The following MROH2A variants were observed in gnomAD, a reference collection of about 807,000 sequenced individuals.
The protein encoded by MROH2A is maestro heat-like repeat-containing protein family member 2A.
Under a neutral mutation model 200.4 loss-of-function variants are expected in MROH2A, and 174 were observed. That is an observed-to-expected ratio of 0.87 (90% CI 0.77 to 0.98). The LOEUF (loss-of-function observed/expected upper bound fraction) is 0.98. Ranked by LOEUF, MROH2A falls within the 50% of genes least tolerant of loss-of-function variation. The probability of loss-of-function intolerance (pLI) is 0.00; values close to 1 mark genes in which losing one functional copy is unlikely to be tolerated. For synonymous variants in MROH2A, 829 were observed against 840.4 expected (o/e 0.99, Z 0.23); for missense variants, 2,045 against 2,139.6 (o/e 0.96, Z 0.87).
At chr2:233,805,406 G>A (rs542505592) in intron 19 of MROH2A, among the ~76,000 whole-genome samples, 77 of 152,338 alleles carry the variant, frequency 5.1e-4, no homozygotes, top group African/African-American at 1.5e-3. Context: ...AAAGAAATCA[G>A]TGAGGGTCTC....
chr2:233,807,784 C>A lies in MROH2A; in HGVS notation c.2224C>A (p.Leu742Met). ...LCARGQVKTV[L>M]NVLHDFEERI... Reference sequence around the variant, plus strand: ...TGCCCGGGGCCAGGTAAAAACGGTGCTGAATGTGCTTCATGACTTCGAGGA... The same window carrying A: ...TGCCCGGGGCCAGGTAAAAACGGTGATGAATGTGCTTCATGACTTCGAGGA... The change falls in exon 21 of 42, where the codon CTG becomes ATG. Residue 742 changes from leucine (L) to methionine (M), a missense_variant. Physicochemically the swap from Leu to Met is conservative, Grantham distance 15. This residue lies in a region of MROH2A where 1,201 missense variants were observed against 1,311.3 expected (regional missense o/e 0.92). Coordinates refer to ENST00000389758, the MANE Select transcript of MROH2A (RefSeq NM_001394639.1). This position sits in a 1 kb window ranked among gnomAD's most constrained non-coding sequence, Gnocchi z 4.3. 2 of 1,550,790 alleles carry A rather than the reference C, an allele frequency of 1.3e-6. No individual in the cohort carries two copies. The highest frequency in any genetic ancestry group is 1.7e-6 in the Non-Finnish European group (2 of 1,147,032).
rs565357141 is a variant in MROH2A, at chr2:233,829,864, G to T, written c.4602+89G>T. On this transcript the variant is annotated intron_variant, in intron 38 of 41. Transcript: ENST00000389758. Reference sequence around the variant, plus strand: ...CTTGGGTCTGCTGGCTCGGTGAGCTGCAAGCTTTTCTCTGCCTCAGTTGGT... The same window carrying T: ...CTTGGGTCTGCTGGCTCGGTGAGCTTCAAGCTTTTCTCTGCCTCAGTTGGT... 1.7e-4 allele frequency: 205 copies of T among 1,197,298 alleles called. No homozygotes were observed. In the African/African-American group the frequency reaches 3.0e-3, roughly 17 times the overall value. The allele number at this position is 1,197,298 out of a possible 1,614,324, so 74.2% of individuals were successfully genotyped here.
In MROH2A at chr2:233,829,652, C is replaced by T; in HGVS notation, c.4479C>T (p.Ile1493=). Reference sequence around the variant, plus strand: ...AGCTGCTGCGTCTGAAAGCCTTCATCCTCTTTGGAAAGCTGGCAAGGGTGG... The same window carrying T: ...AGCTGCTGCGTCTGAAAGCCTTCATTCTCTTTGGAAAGCTGGCAAGGGTGG... The part of the protein sequence containing the change: ...ESELLRLKAF[I]LFGKLARVVG... Residue 1493 remains isoleucine (I), a synonymous_variant, in exon 38 of 42, where the codon ATC becomes ATT. Transcript: ENST00000389758. 1 of 1,472,560 alleles carries T rather than the reference C, an allele frequency of 6.8e-7. No individual in the cohort carries two copies. The highest frequency in any genetic ancestry group is 1.4e-5 in the South Asian group (1 of 71,168). The allele number at this position is 1,472,560 out of a possible 1,614,324, so 91.2% of individuals were successfully genotyped here. A position where few individuals can be genotyped will look rare whatever the true frequency, so the allele number is the denominator to read the frequency against.
At chr2:233,811,809 A>G in intron 23 of MROH2A, 71 bp from the exon 24 acceptor site, 1 of 979,664 alleles carries the variant, frequency 1.0e-6, no homozygotes, top group Non-Finnish European at 1.6e-6. Flanking sequence ...GGTCTTCCTC[A>G]TGCTAACACT....
chr2:233,819,796 T>A, intron 30 of MROH2A, 106 bp from the exon 31 acceptor site: 1 of 1,284,218 alleles, frequency 7.8e-7, no homozygotes, highest in Non-Finnish European at 1.0e-6. Flanking sequence ...AACCTCCCCA[T>A]TGTCCAACTG....
chr2:233,791,308 A>T (rs553594631), intron 5 of MROH2A, among the ~76,000 whole-genome samples: 1 of 152,022 alleles, frequency 6.6e-6, no homozygotes, highest in Non-Finnish European at 1.5e-5. Flanking sequence ...GCTGGGAAGC[A>T]TGTGGTGAGG....
chr2:233,784,311 C>A (rs1575893896), intron 3 of MROH2A, among the ~76,000 whole-genome samples: 2 of 152,160 alleles, frequency 1.3e-5, no homozygotes, highest in South Asian at 4.2e-4. Flanking sequence ...GGTCATCCAG[C>A]AATATATTAC....
chr2:233,819,167 T>C, intron 29 of MROH2A, 150 bp from the exon 30 acceptor site: 1 of 808,514 alleles, frequency 1.2e-6, no homozygotes, highest in Non-Finnish European at 1.9e-6. Flanking sequence ...GACCAGCCCC[T>C]TCTGGCTCAG....
Position 233,800,236 on chromosome 2 carries a change from A to T in MROH2A, c.1481A>T (p.Asp494Val). 6.5e-7 allele frequency: 1 copy of T among 1,549,942 alleles called. No individual in the cohort carries two copies. The highest frequency in any genetic ancestry group is 2.4e-5 in the East Asian group (1 of 40,908). ...TNRREKFYQR[D>V]LEERMVHKVT... ...CGCCGGGAGAAGTTTTATCAGAGGG[A>T]CTTGGAGGAGAGGATGGTCCACAAA... The change falls in exon 14 of 42, where the codon GAC (aspartate) becomes GTC (valine). Residue 494 changes from aspartate (D) to valine (V), a missense_variant. Asp to Val is a radical substitution (Grantham distance 152). Around this residue, in one of 3 missense-constraint regions of MROH2A, gnomAD observed 831 missense variants for 800.0 expected, o/e 1.04. Coordinates refer to ENST00000389758, the MANE Select transcript of MROH2A (RefSeq NM_001394639.1).
chr2:233,791,946 G>A (rs1187400793), intron 5 of MROH2A, among the ~76,000 whole-genome samples: 1 of 152,120 alleles, frequency 6.6e-6, no homozygotes, highest in Non-Finnish European at 1.5e-5. Context: ...CTCAGGGTGG[G>A]TGAAGTGGAG....
chr2:233,812,064 C>T (rs2126148448), intron 24 of MROH2A, 105 bp downstream of exon 24: 2 of 802,032 alleles, frequency 2.5e-6, no homozygotes, highest in Non-Finnish European at 4.1e-6. Context: ...CCTCTCCTCC[C>T]TCTGTAGCAG....
chr2:233,798,972 C>T (rs1173555337), intron 12 of MROH2A, 122 bp downstream of exon 12: 14 of 756,060 alleles, frequency 1.9e-5, no homozygotes, highest in Admixed American at 4.3e-5. Flanking sequence ...CATCGGGTCT[C>T]GACTGGGGCT....
chr2:233,803,256 C>G (rs1702583520), intron 15 of MROH2A, among the ~76,000 whole-genome samples, 192 bp from the exon 16 acceptor site: 2 of 152,220 alleles, frequency 1.3e-5, no homozygotes, highest in Non-Finnish European at 2.9e-5. Context: ...CTCCCCTCTT[C>G]CCAGGATAAG....
In MROH2A at chr2:233,819,890, A is replaced by T. The variant is rs1336753630; in HGVS notation, c.3358-12A>T. On this transcript the variant is annotated splice_polypyrimidine_tract_variant and intron_variant, in intron 30 of 41. Coordinates refer to ENST00000389758, the MANE Select transcript of MROH2A (RefSeq NM_001394639.1). Reference sequence around the variant, plus strand: ...CTGGGCTGCCCCCCGGTGATGCCCCATCCCTACCTAGGTGGCCGAGATCCT... The same window carrying T: ...CTGGGCTGCCCCCCGGTGATGCCCCTTCCCTACCTAGGTGGCCGAGATCCT... 6.7e-7 allele frequency: 1 copy of T among 1,497,606 alleles called. No individual in the cohort carries two copies. The highest frequency in any genetic ancestry group is 2.5e-5 in the East Asian group (1 of 39,950). The allele number at this position is 1,497,606 out of a possible 1,614,324, so 92.8% of individuals were successfully genotyped here. A position where few individuals can be genotyped will look rare whatever the true frequency, so the allele number is the denominator to read the frequency against.
Position 233,798,771 on chromosome 2 carries a change from C to T in MROH2A, c.1253-3C>T. On this transcript the variant is annotated splice_polypyrimidine_tract_variant and splice_region_variant and intron_variant, in intron 11 of 41. Coordinates refer to ENST00000389758, the MANE Select transcript of MROH2A (RefSeq NM_001394639.1). The stretch of plus-strand genomic sequence containing the variant: ...TCCAGCCCACCCAGTTTTCCTCTTT[C>T]AGAGCCCAGGATGAGTATCAGGGCC... The T allele has an allele frequency of 6.5e-7, 1 of 1,550,232 alleles. No homozygotes were observed. Among genetic ancestry groups the T allele is most frequent in the Non-Finnish European group, 8.7e-7 (1 of 1,146,668 alleles).
Position 233,800,166 on chromosome 2 carries a change from C to T in MROH2A, c.1450-39C>T, listed in dbSNP as rs762740230. On this transcript the variant is annotated intron_variant, in intron 13 of 41. Coordinates refer to ENST00000389758, the MANE Select transcript of MROH2A (RefSeq NM_001394639.1). ...CACCTGAGACCACGACAAACCTCTG[C>T]TAGGCCACAGGTGGGAATCCCTTGG... The T allele has an allele frequency of 1.1e-5, 16 of 1,439,840 alleles. No individual in the cohort carries two copies. In the Admixed American group the frequency reaches 3.1e-4, roughly 28 times the overall value. The allele number at this position is 1,439,840 out of a possible 1,614,324, so 89.2% of individuals were successfully genotyped here. A position where few individuals can be genotyped will look rare whatever the true frequency, so the allele number is the denominator to read the frequency against.
In MROH2A at chr2:233,822,145, G is replaced by A. The variant is rs1703982435; in HGVS notation, c.3534G>A (p.Leu1178=). The A allele has an allele frequency of 6.5e-7, 1 of 1,549,922 alleles. No homozygotes were observed. The highest frequency in any genetic ancestry group is 8.7e-7 in the Non-Finnish European group (1 of 1,146,758). The change falls in exon 32 of 42, where the codon CTG becomes CTA. Residue 1178 remains leucine (L), a synonymous_variant. Transcript: ENST00000389758. ...PMESHLAEVW[L]AVSENVPFAR... ...TTAGCCACCTGGCAGAGGTGTGGCT[G>A]GCAGTGTCGGAGAACGTGCCCTTCG...
At chr2:233,815,076 G>T (rs906205762) in intron 26 of MROH2A, among the ~76,000 whole-genome samples, 3 of 152,120 alleles carry the variant, frequency 2.0e-5, no homozygotes, top group Admixed American at 2.0e-4. Flanking sequence ...TTCATGAATT[G>T]CCCCAGTAAT....
At chr2:233,823,850 C>T (rs1464468828) in intron 35 of MROH2A, among the ~76,000 whole-genome samples, 186 bp downstream of exon 35, 1 of 152,212 alleles carries the variant, frequency 6.6e-6, no homozygotes, top group Non-Finnish European at 1.5e-5. Flanking sequence ...AGGGCAGGCC[C>T]TGCTGGAAAG....
Sources: allele counts gnomAD v4.1 joint callset (sites outside exome capture counted in the v4.1 genomes callset), GRCh38; gene constraint gnomAD v4.1.1; regional missense constraint gnomAD v4.1.1; non-coding constraint Gnocchi (gnomAD v3.1); transcripts MANE v1.5; gene names NCBI Gene and HGNC (gene_info 2026-07-23, HGNC 2026-07-21).